CCDC148: variants seen among roughly 807,000 people sequenced by gnomAD.
The protein encoded by CCDC148 is coiled-coil domain-containing protein 148.
A neutral mutation model predicts 85.7 loss-of-function variants in CCDC148; 89 were observed. The ratio of observed to expected loss-of-function variants is 1.04; its 90% CI spans 0.87 to 1.24. CCDC148 has a LOEUF of 1.24. Among genes scored for constraint, CCDC148 ranks in the 50% most tolerant of loss-of-function variants. CCDC148 has a pLI of 0.00. For missense variants in CCDC148, 692 were observed against 671.7 expected (o/e 1.03, Z -0.33); for synonymous variants, 230 against 213.9 (o/e 1.08, Z -0.66).
At chr2:158,221,241 T>C (rs973699377) in intron 10 of CCDC148, among the ~76,000 whole-genome samples, 1 of 151,974 alleles carries the variant, frequency 6.6e-6, no homozygotes, top group Admixed American at 6.6e-5. Flanking sequence ...ATTAGCAGGG[T>C]TGTGGTATAT....
intron 11 of CCDC148, among the ~76,000 whole-genome samples, chr2:158,212,223 C>T (rs1284973952): frequency 6.6e-6 from 1 of 152,170 alleles, no homozygotes; most frequent in Non-Finnish European, 1.5e-5. Flanking sequence ...ATTTGGTTGA[C>T]AGAGACTTAA....
chr2:158,264,231 C>A (rs774413682), intron 9 of CCDC148, among the ~76,000 whole-genome samples: 1 of 152,010 alleles, frequency 6.6e-6, no homozygotes, highest in Non-Finnish European at 1.5e-5. Flanking sequence ...AATGAGAATA[C>A]TTCTTCCGTC....
intron 7 of CCDC148, among the ~76,000 whole-genome samples, chr2:158,332,100 C>A (rs1005112366): frequency 3.3e-5 from 5 of 151,994 alleles, no homozygotes; most frequent in East Asian, 3.9e-4. Context: ...TCTTCCTAGC[C>A]TTGATGGTCT....
chr2:158,412,457 T>G (rs545496947), intron 1 of CCDC148, among the ~76,000 whole-genome samples: 1 of 152,186 alleles, frequency 6.6e-6, no homozygotes, highest in Non-Finnish European at 1.5e-5. Flanking sequence ...CTCTCATGAT[T>G]TGAATAACTC....
At position 158,171,659 on chromosome 2, in the gene CCDC148, G is replaced by A. The variant is rs554729622; in HGVS notation, c.*454C>T. On this transcript the variant is annotated 3_prime_UTR_variant, in exon 14 of 14. Coordinates refer to ENST00000283233, the MANE Select transcript of CCDC148 (RefSeq NM_138803.4). ...GTTTCTAAATTTAGAGAAAGGTTGAGTCTCCTCTTATAATAATCAAGAAAT... is the reference window on the plus strand; with the variant it reads ...GTTTCTAAATTTAGAGAAAGGTTGAATCTCCTCTTATAATAATCAAGAAAT... 6.6e-6 allele frequency: 1 copy of A among 152,042 alleles called. No individual in the cohort carries two copies. The highest frequency in any genetic ancestry group is 2.1e-4 in the South Asian group (1 of 4,822). 9.4% of individuals were successfully genotyped at this position (152,042 alleles called of 1,614,324 possible).
At position 158,187,352 on chromosome 2, in the gene CCDC148, C is replaced by A. The variant is rs75937500; in HGVS notation, c.1371-8356G>T. Among the ~76,000 whole-genome samples, 6 of 152,048 alleles carry A rather than the reference C, an allele frequency of 3.9e-5. No homozygotes were observed. The East Asian group carries it at 1.2e-3, about 29-fold the overall frequency. ...TCCATGGTTCTCTTTCCTCTACGTA[C>A]AAACTTATTCAAATGGGGTGGAGGG... On this transcript the variant is annotated intron_variant, in intron 11 of 13. Transcript: ENST00000283233.
At chr2:158,392,008 C>A (rs764578385) in intron 1 of CCDC148, among the ~76,000 whole-genome samples, 1 of 152,088 alleles carries the variant, frequency 6.6e-6, no homozygotes, top group Non-Finnish European at 1.5e-5. Context: ...CCCCATGAGA[C>A]AGAAAGTGAT....
intron 1 of CCDC148, among the ~76,000 whole-genome samples, chr2:158,439,843 C>T (rs1332982732): frequency 6.6e-6 from 1 of 152,146 alleles, no homozygotes; most frequent in African/African-American, 2.4e-5. Flanking sequence ...ACACACATTA[C>T]AGCGGATAAC....
chr2:158,439,586 T>C (rs1338795444), intron 1 of CCDC148, among the ~76,000 whole-genome samples: 2 of 151,992 alleles, frequency 1.3e-5, no homozygotes, highest in African/African-American at 4.8e-5. Flanking sequence ...GTAACAAACC[T>C]GTACGTTGTG....
intron 10 of CCDC148, among the ~76,000 whole-genome samples, chr2:158,236,401 T>C (rs1034193532): frequency 3.9e-5 from 6 of 152,232 alleles, no homozygotes; most frequent in Admixed American, 1.3e-4. Flanking sequence ...GTTTTCAGTA[T>C]GGGCATTGAA....
chr2:158,306,379 G>C (rs180965774), intron 9 of CCDC148, among the ~76,000 whole-genome samples: 2 of 151,802 alleles, frequency 1.3e-5, no homozygotes, highest in Non-Finnish European at 2.9e-5. Flanking sequence ...TACAAAAAAC[G>C]TATGTTTATT....
intron 11 of CCDC148, among the ~76,000 whole-genome samples, chr2:158,211,726 G>A (rs1267983176): frequency 6.6e-6 from 1 of 152,180 alleles, no homozygotes; most frequent in Admixed American, 6.5e-5. Flanking sequence ...CAGTCATCAG[G>A]AGCTAAATCA....
chr2:158,352,628 T>A (rs1402246887), intron 2 of CCDC148, among the ~76,000 whole-genome samples: 1 of 152,130 alleles, frequency 6.6e-6, no homozygotes, highest in Middle Eastern at 3.2e-3. Context: ...ATGGGAAGAA[T>A]GGAACCAAGT....
chr2:158,259,454 T>C (rs1689132824), intron 9 of CCDC148, among the ~76,000 whole-genome samples: 1 of 151,960 alleles, frequency 6.6e-6, no homozygotes, highest in South Asian at 2.1e-4. Context: ...GAATATGAAA[T>C]GAGGTAAGAA....
intron 8 of CCDC148, among the ~76,000 whole-genome samples, chr2:158,310,256 A>G (rs1691913859): frequency 6.6e-6 from 1 of 152,196 alleles, no homozygotes; most frequent in Admixed American, 6.5e-5. Context: ...GTTATAGATT[A>G]ACAGCATCCC....
In CCDC148 at chr2:158,345,208, T is replaced by A. The variant is rs371206886; in HGVS notation, c.251+7A>T. The A allele has an allele frequency of 1.2e-5, 19 of 1,606,916 alleles. No individual in the cohort carries two copies. Among genetic ancestry groups the A allele is most frequent in the African/African-American group, 1.3e-5 (1 of 74,730 alleles). Reference sequence around the variant, plus strand: ...TACGTGTTCTTACTATGTCCCCCAGTTCTTACCTGACTTCATTCAGCCTCT... The same window carrying A: ...TACGTGTTCTTACTATGTCCCCCAGATCTTACCTGACTTCATTCAGCCTCT... On this transcript the variant is annotated splice_region_variant and intron_variant, in intron 3 of 13. Transcript: ENST00000283233.
chr2:158,412,482 C>T (rs560614953), intron 1 of CCDC148, among the ~76,000 whole-genome samples: 59 of 152,160 alleles, frequency 3.9e-4, no homozygotes, highest in Non-Finnish European at 6.9e-4. Context: ...TGCTTGTATT[C>T]TAAAAATGAA....
chr2:158,234,045 G>A (rs1687981275), intron 10 of CCDC148, among the ~76,000 whole-genome samples: 1 of 152,042 alleles, frequency 6.6e-6, no homozygotes, highest in Non-Finnish European at 1.5e-5. Context: ...GCATGGTGGT[G>A]TGTGCCTAAT....
chr2:158,316,100 C>T lies in CCDC148; in HGVS notation c.765-2206G>A, dbSNP rs146691072. ...AAGATAATCTACAAGCAATCTTACC[C>T]GTAATTTTCAAAAATAGTTTAAATC... On this transcript the variant is annotated intron_variant, in intron 7 of 13. Coordinates refer to ENST00000283233, the MANE Select transcript of CCDC148 (RefSeq NM_138803.4). Among the ~76,000 whole-genome samples, 1,331 of 152,236 alleles carry T rather than the reference C, an allele frequency of 8.7e-3. 17 individuals are homozygous for T. The highest frequency in any genetic ancestry group is 0.041 in the Middle Eastern group (12 of 292).
Sources: allele counts gnomAD v4.1 joint callset (sites outside exome capture counted in the v4.1 genomes callset), GRCh38; gene constraint gnomAD v4.1.1; transcripts MANE v1.5; gene names NCBI Gene and HGNC (gene_info 2026-07-23, HGNC 2026-07-21).